MTMR6: variants seen among roughly 807,000 people sequenced by gnomAD.
MTMR6 encodes the protein phosphatidylinositol-3,5-bisphosphate 3-phosphatase MTMR6.
In MTMR6, 47 loss-of-function variants were observed where a neutral mutation model predicts 80.1. The ratio of observed to expected loss-of-function variants is 0.59; its 90% CI spans 0.46 to 0.75. The LOEUF (loss-of-function observed/expected upper bound fraction) is 0.75. Among genes scored for constraint, MTMR6 ranks in the 30% least tolerant of loss-of-function variants. The pLI, the probability that MTMR6 is intolerant of heterozygous loss-of-function variation, is 0.00. For missense variants in MTMR6, 629 were observed against 730.9 expected (o/e 0.86, Z 1.61); for synonymous variants, 254 against 253.0 (o/e 1.00, Z -0.04).
rs1023095584 is a variant in MTMR6, at chr13:25,267,904, G to C, written c.179C>G (p.Ala60Gly). Residue 60 changes from alanine (A) to glycine (G), a missense_variant, in exon 3 of 14, where the codon GCT (alanine) becomes GGT (glycine). By Grantham distance (60) the Ala-to-Gly change is moderately conservative. Coordinates refer to ENST00000381801, the MANE Select transcript of MTMR6 (RefSeq NM_004685.5). ...AAGGGGGCATCCAGAAGTAGTCAAAGCAAGTTTCTCTACTGAGGCAATATG... is the reference window on the plus strand; with the variant it reads ...AAGGGGGCATCCAGAAGTAGTCAAACCAAGTTTCTCTACTGAGGCAATATG... ...HHHIASVEKL[A>G]LTTSGCPLVI... 1 of 1,612,436 alleles carries C rather than the reference G, an allele frequency of 6.2e-7. No homozygotes were observed. The highest frequency in any genetic ancestry group is 8.5e-7 in the Non-Finnish European group (1 of 1,179,232).
At chr13:25,284,705 G>T (rs1957921616) in intron 1 of MTMR6, among the ~76,000 whole-genome samples, 1 of 152,118 alleles carries the variant, frequency 6.6e-6, no homozygotes, top group Non-Finnish European at 1.5e-5. Flanking sequence ...CCAGGTGAAG[G>T]CTATGCATAA....
rs1566033462 is a variant in MTMR6 at position 25,249,488 on chromosome 13, A to G, written c.1610T>C (p.Ile537Thr). The change falls in exon 14 of 14, where the codon ATT (isoleucine) becomes ACT (threonine). Residue 537 changes from isoleucine (I) to threonine (T), a missense_variant. Transcript: ENST00000381801. ...TGTTTGCTTATTTTTGCGTTGTTTA[A>G]TTTTCTAGAACAAACACAAATTTGA... is the stretch of plus-strand genomic sequence containing the variant. ...EKDIKDLESK[I>T]KQRKNKQTDG... is the part of the protein sequence containing the mutation. 1 of 1,610,472 alleles carries G rather than the reference A, an allele frequency of 6.2e-7. No homozygotes were observed. Among genetic ancestry groups the G allele is most frequent in the East Asian group, 2.2e-5 (1 of 44,804 alleles).
In MTMR6 at chr13:25,265,822, C is replaced by T. The variant is rs757735820; in HGVS notation, c.588G>A (p.Lys196=). ...AATCAAAAGAAAAGCATCCTACCTCCTTATCTTGATGATAGTAGGAAAGAA... is the reference window on the plus strand; with the variant it reads ...AATCAAAAGAAAAGCATCCTACCTCTTTATCTTGATGATAGTAGGAAAGAA... ...FPVLSYYHQD[K]EAAICRCSQP... is the part of the protein sequence containing the mutation. The change falls in exon 5 of 14, where the codon AAG becomes AAA. Residue 196 remains lysine, a synonymous_variant. Coordinates refer to ENST00000381801, the MANE Select transcript of MTMR6 (RefSeq NM_004685.5). 5 of 1,612,458 alleles carry T rather than the reference C, an allele frequency of 3.1e-6. No individual in the cohort carries two copies. The highest frequency in any genetic ancestry group is 2.5e-6 in the Non-Finnish European group (3 of 1,178,682).
intron 5 of MTMR6, among the ~76,000 whole-genome samples, chr13:25,262,717 A>G (rs1428853683): frequency 6.6e-6 from 1 of 152,232 alleles, no homozygotes; most frequent in Non-Finnish European, 1.5e-5. Flanking sequence ...AGATCCATAT[A>G]CTTTTTCTCC....
intron 6 of MTMR6, among the ~76,000 whole-genome samples, chr13:25,261,219 G>A (rs939756944): frequency 7.5e-6 from 1 of 134,066 alleles, no homozygotes; most frequent in Non-Finnish European, 1.5e-5. Flanking sequence ...TGAAGCAGGA[G>A]AATTGCTTGA....
At chr13:25,257,684 C>T (rs1476710207) in intron 8 of MTMR6, 52 bp downstream of exon 8, 11 of 1,327,180 alleles carry the variant, frequency 8.3e-6, no homozygotes, top group Non-Finnish European at 1.1e-5. Flanking sequence ...TACATCTACT[C>T]CTTCCCAATC....
chr13:25,260,109 C>T (rs1249629373), intron 6 of MTMR6, among the ~76,000 whole-genome samples: 5 of 152,024 alleles, frequency 3.3e-5, no homozygotes, highest in Non-Finnish European at 7.4e-5. Context: ...GTGATCTACC[C>T]ACCTTAGCCT....
In MTMR6 at chr13:25,246,271, A is replaced by G. The variant is rs1279550676; in HGVS notation, c.*2961T>C. On this transcript the variant is annotated 3_prime_UTR_variant, in exon 14 of 14. Transcript: ENST00000381801. ...TAAAATGTCAAGGTTTCATGTTTACATTTTCTTATATCAAGTACAATGGTA... is the reference window on the plus strand; with the variant it reads ...TAAAATGTCAAGGTTTCATGTTTACGTTTTCTTATATCAAGTACAATGGTA... 2 of 152,614 alleles carry G rather than the reference A, an allele frequency of 1.3e-5. No individual in the cohort carries two copies. Among genetic ancestry groups the G allele is most frequent in the African/African-American group, 4.8e-5 (2 of 41,456 alleles). 9.5% of individuals were successfully genotyped at this position (152,614 alleles called of 1,614,324 possible).
At chr13:25,255,481 C>CTCTTCTATCCCACATCCAA (rs1250157996) in intron 9 of MTMR6, among the ~76,000 whole-genome samples, 1 of 152,174 alleles carries the variant, frequency 6.6e-6, no homozygotes, top group East Asian at 1.9e-4. Flanking sequence ...GAAGACTCCT[C>CTCTTCTATCCCACATCCAA]TCTTCTATCC....
In MTMR6 at chr13:25,258,883, T is replaced by C. The variant is rs183792545; in HGVS notation, c.727-191A>G. Among the ~76,000 whole-genome samples, 329 of 152,266 alleles carry C rather than the reference T, an allele frequency of 2.2e-3. 4 individuals carry two copies. The highest frequency in any genetic ancestry group is 7.5e-3 in the African/African-American group (312 of 41,544). On this transcript the variant is annotated intron_variant, in intron 6 of 13. Coordinates refer to ENST00000381801, the MANE Select transcript of MTMR6 (RefSeq NM_004685.5). ...TATTAAATAGTAATGAAGGAGATAA[T>C]AAAGTAATACGATTGCTATATAATG...
chr13:25,276,782 G>GATA (rs759765233), intron 1 of MTMR6, among the ~76,000 whole-genome samples: 62 of 152,294 alleles, frequency 4.1e-4, no homozygotes, highest in Admixed American at 1.6e-3. Flanking sequence ...CTGCTACACA[G>GATA]ATAATATTTC....
intron 6 of MTMR6, 73 bp downstream of exon 6, chr13:25,261,595 T>C: frequency 7.8e-7 from 1 of 1,285,092 alleles, no homozygotes; most frequent in Non-Finnish European, 1.0e-6. Context: ...TATGGGCAAG[T>C]TTATTAACTC....
intron 9 of MTMR6, among the ~76,000 whole-genome samples, chr13:25,255,631 C>A (rs1178777504): frequency 6.6e-6 from 1 of 152,094 alleles, no homozygotes; most frequent in Non-Finnish European, 1.5e-5. Context: ...TCAAGTAATT[C>A]TTCTGCCTCA....
At chr13:25,281,074 C>G (rs1001408288) in intron 1 of MTMR6, among the ~76,000 whole-genome samples, 11 of 152,130 alleles carry the variant, frequency 7.2e-5, no homozygotes, top group Admixed American at 3.3e-4. Flanking sequence ...GCTTGTAATC[C>G]CAACACTTTG....
chr13:25,267,799 A>G lies in MTMR6; in HGVS notation c.284T>C (p.Leu95Ser). 1 of 1,613,612 alleles carries G rather than the reference A, an allele frequency of 6.2e-7. No individual in the cohort carries two copies. Among genetic ancestry groups the G allele is most frequent in the South Asian group, 1.1e-5 (1 of 90,888 alleles). Residue 95 changes from leucine to serine, a missense_variant, in exon 3 of 14, where the codon TTG becomes TCG. Transcript: ENST00000381801. Reference protein sequence around the residue: ...ERDCHDIYNSLLQLSKQAKYE... With the variant: ...ERDCHDIYNSSLQLSKQAKYE... ...AATACCTTGTTTTGACAGTTGTAGC[A>G]AAGAGTTGTAAATATCATGGCAATC...
At chr13:25,272,675 AC>A (rs1301766264) in intron 2 of MTMR6, among the ~76,000 whole-genome samples, 1 of 152,108 alleles carries the variant, frequency 6.6e-6, no homozygotes, top group African/African-American at 2.4e-5. Flanking sequence ...TTAAGCTCCC[AC>A]TTATAAGTGA....
intron 1 of MTMR6, among the ~76,000 whole-genome samples, chr13:25,274,647 C>T (rs1414821204): frequency 6.6e-6 from 1 of 152,092 alleles, no homozygotes; most frequent in Non-Finnish European, 1.5e-5. Context: ...CTATCCCACA[C>T]CAGGGCAATG....
chr13:25,266,481 A>C (rs1489746845), intron 3 of MTMR6, among the ~76,000 whole-genome samples, 195 bp from the exon 4 acceptor site: 1 of 152,216 alleles, frequency 6.6e-6, no homozygotes, highest in Non-Finnish European at 1.5e-5. Context: ...CTGAGATTGG[A>C]TTTGTCATCA....
intron 9 of MTMR6, 104 bp downstream of exon 9, chr13:25,257,092 T>C (rs1464936151): frequency 8.2e-7 from 1 of 1,226,140 alleles, no homozygotes; most frequent in Non-Finnish European, 1.1e-6. Context: ...AGTCTCATCA[T>C]TTCCTTTAGT....
Sources: gnomAD v4.1 joint callset for allele counts (sites outside exome capture counted in the v4.1 genomes callset) on GRCh38, gnomAD v4.1.1 for gene constraint, MANE v1.5 for transcripts, NCBI Gene and HGNC (gene_info 2026-07-23, HGNC 2026-07-21) for gene names.